Variants in LMTK2 observed in about 807,000 individuals in gnomAD.
LMTK2 encodes the protein lemur tail kinase 2.
LMTK2 carries 37 observed loss-of-function variants against 127.5 expected under a neutral mutation model. That is an observed-to-expected ratio of 0.29 (90% confidence interval 0.22 to 0.38). The LOEUF is 0.38. Among genes scored for constraint, LMTK2 ranks in the 10% least tolerant of loss-of-function variants. LMTK2 has a pLI of 1.00. For synonymous variants in LMTK2, 819 were observed against 810.1 expected (o/e 1.01, Z -0.19); for missense variants, 1,694 against 1,920.3 (o/e 0.88, Z 2.20).
chr7:98,185,256 T>C, intron 8 of LMTK2, 121 bp downstream of exon 8: 3 of 678,026 alleles, frequency 4.4e-6, no homozygotes, highest in Non-Finnish European at 7.7e-6. Context: ...GAGAGGGATT[T>C]GCAGCAGTCA....
At chr7:98,145,533 T>G (rs1475926613) in intron 3 of LMTK2, among the ~76,000 whole-genome samples, 4 of 152,188 alleles carry the variant, frequency 2.6e-5, no homozygotes, top group African/African-American at 9.6e-5. Context: ...AGGATGGTGT[T>G]AGGAGGAAAT....
chr7:98,184,095 C>A (rs976567220), intron 7 of LMTK2, among the ~76,000 whole-genome samples: 3 of 152,114 alleles, frequency 2.0e-5, no homozygotes, highest in East Asian at 1.9e-4. Context: ...AAGGGCCAAG[C>A]GGGTGACTTG....
rs1797760613 is a variant in LMTK2 at position 98,204,570 on chromosome 7, T to G, written c.4483+384T>G. Among the ~76,000 whole-genome samples the G allele has an allele frequency of 2.0e-5, 3 of 152,232 alleles. No individual in the cohort carries two copies. The South Asian group carries it at 6.2e-4, about 31-fold the overall frequency. ...TGAGCCCAGGAGTTCAAGGCTACAGTGACCTATGATTGTGCCACTGCCCTC... is the reference window on the plus strand; with the variant it reads ...TGAGCCCAGGAGTTCAAGGCTACAGGGACCTATGATTGTGCCACTGCCCTC... On this transcript the variant is annotated intron_variant, in intron 13 of 13. Coordinates refer to ENST00000297293, the MANE Select transcript of LMTK2 (RefSeq NM_014916.4).
intron 1 of LMTK2, among the ~76,000 whole-genome samples, chr7:98,115,293 A>G (rs1796261865): frequency 6.6e-6 from 1 of 151,944 alleles, no homozygotes; most frequent in Non-Finnish European, 1.5e-5. Flanking sequence ...GCACACTCCT[A>G]AAGTCTCAGC....
chr7:98,168,762 C>A (rs1336260044), intron 6 of LMTK2, among the ~76,000 whole-genome samples: 1 of 152,260 alleles, frequency 6.6e-6, no homozygotes, highest in African/African-American at 2.4e-5. Context: ...AGGTCACTTG[C>A]TCTGCTGATG....
chr7:98,194,401 C>T lies in LMTK2; in HGVS notation c.3936C>T (p.Asp1312=), dbSNP rs762798807. The T allele has an allele frequency of 3.2e-5, 52 of 1,614,022 alleles. 1 individual carries two copies. Among genetic ancestry groups the T allele is most frequent in the Middle Eastern group, 1.6e-4 (1 of 6,084 alleles). Residue 1312 remains aspartate (D), a synonymous_variant, in exon 11 of 14, where the codon GAC becomes GAT. Transcript: ENST00000297293. The surrounding 1 kb of genome is among the most constrained non-coding windows in gnomAD (Gnocchi z 5.4). ...NLHSLSSESE[D]ETEHPVPIIL... ...ATAGCCTCAGCTCCGAGTCGGAGGA[C>T]GAGACCGAGCACCCCGTGCCCATCA...
At chr7:98,151,292 C>T (rs1307352592) in intron 3 of LMTK2, 90 bp from the exon 4 acceptor site, 1 of 796,578 alleles carries the variant, frequency 1.3e-6, no homozygotes, top group African/African-American at 1.8e-5. Context: ...TTTATTTGCA[C>T]AAGCCTTTAT....
chr7:98,119,041 A>C (rs760783699), intron 1 of LMTK2, among the ~76,000 whole-genome samples: 1 of 150,566 alleles, frequency 6.6e-6, no homozygotes, highest in Non-Finnish European at 1.5e-5. Flanking sequence ...GCAGTGAACC[A>C]AGATAGTGCC....
In LMTK2 at chr7:98,193,257, C is replaced by A; in HGVS notation, c.2792C>A (p.Ser931Ter). The change falls in exon 11 of 14, where the codon TCG (serine) becomes TAG (stop). Residue 931 changes from serine to a stop codon, truncating the protein, a stop_gained. Coordinates refer to ENST00000297293, the MANE Select transcript of LMTK2 (RefSeq NM_014916.4). LOFTEE classifies it high-confidence loss of function. This position sits in a 1 kb window ranked among gnomAD's most constrained non-coding sequence, Gnocchi z 4.1. ...LGQELHNKPF[S>*]EDHHSHRRLE... ...CAGGAATTGCACAATAAACCATTTT[C>A]GGAAGACCATCACAGTCATCGCCGG... 1 of 1,613,616 alleles carries A rather than the reference C, an allele frequency of 6.2e-7. No individual in the cohort carries two copies. The highest frequency in any genetic ancestry group is 8.5e-7 in the Non-Finnish European group (1 of 1,180,012).
At chr7:98,141,613 C>T (rs1267856773) in intron 3 of LMTK2, 72 bp downstream of exon 3, 2 of 1,423,336 alleles carry the variant, frequency 1.4e-6, no homozygotes, top group East Asian at 4.5e-5. Context: ...GCCTAGCCAT[C>T]ATAAATATTG....
At chr7:98,184,641 G>C (rs1388881314) in intron 7 of LMTK2, among the ~76,000 whole-genome samples, 1 of 152,064 alleles carries the variant, frequency 6.6e-6, no homozygotes. Flanking sequence ...ACTGTAGCCT[G>C]ACCACCTTGG....
chr7:98,137,258 A>G, intron 1 of LMTK2, 57 bp from the exon 2 acceptor site: 1 of 1,522,984 alleles, frequency 6.6e-7, no homozygotes, highest in East Asian at 2.3e-5. Flanking sequence ...TTGATTCACT[A>G]ATTAAAGTTG....
chr7:98,124,652 G>T (rs1002162102), intron 1 of LMTK2, among the ~76,000 whole-genome samples: 2 of 152,138 alleles, frequency 1.3e-5, no homozygotes, highest in African/African-American at 4.8e-5. Context: ...TGGGCATGGT[G>T]GTGCACACCT....
chr7:98,117,905 T>TG (rs1796309818), intron 1 of LMTK2, among the ~76,000 whole-genome samples: 1 of 152,092 alleles, frequency 6.6e-6, no homozygotes. Flanking sequence ...AGATGGAAGT[T>TG]GCAATGAGCC....
At chr7:98,191,163 G>A (rs1797517551) in intron 10 of LMTK2, among the ~76,000 whole-genome samples, 1 of 152,084 alleles carries the variant, frequency 6.6e-6, no homozygotes, top group Admixed American at 6.5e-5. Context: ...TGCCCAGGCT[G>A]TTCTTGAACT....
rs772440680 is a variant in LMTK2, at chr7:98,191,660, G to T, written c.1195G>T (p.Ala399Ser). 6.2e-7 allele frequency: 1 copy of T among 1,613,348 alleles called. No homozygotes were observed. The highest frequency in any genetic ancestry group is 8.5e-7 in the Non-Finnish European group (1 of 1,179,622). The change falls in exon 11 of 14, where the codon GCG (alanine) becomes TCG (serine). Residue 399 changes from alanine (A) to serine (S), a missense_variant. Ala to Ser is a moderately conservative substitution (Grantham distance 99). This residue lies in a region of LMTK2 where 216 missense variants were observed against 266.8 expected (regional missense o/e 0.81). Transcript: ENST00000297293. The part of the protein sequence containing the change: ...FCWLSPEKRP[A>S]AEDVHRLLTY... ...TTGGCTGTCACCAGAAAAGAGACCC[G>T]CGGCTGAAGATGTGCACAGGCTGCT...
chr7:98,191,234 C>T (rs559083058), intron 10 of LMTK2, among the ~76,000 whole-genome samples: 3 of 152,160 alleles, frequency 2.0e-5, no homozygotes, highest in Non-Finnish European at 4.4e-5. Context: ...AAGTGTGAGC[C>T]AGGGTGCCTG....
At position 98,194,618 on chromosome 7, in the gene LMTK2, A is replaced by T. The variant is rs539979698; in HGVS notation, c.4107+46A>T. 3 of 1,490,328 alleles carry T rather than the reference A, an allele frequency of 2.0e-6. No individual in the cohort carries two copies. The highest frequency in any genetic ancestry group is 2.1e-5 in the Admixed American group (1 of 48,508). 92.3% of individuals were successfully genotyped at this position (1,490,328 alleles called of 1,614,324 possible). A position where few individuals can be genotyped will look rare whatever the true frequency, so the allele number is the denominator to read the frequency against. On this transcript the variant is annotated intron_variant, in intron 11 of 13. Coordinates refer to ENST00000297293, the MANE Select transcript of LMTK2 (RefSeq NM_014916.4). This position sits in a 1 kb window ranked among gnomAD's most constrained non-coding sequence, Gnocchi z 5.4. ...ATTTTCTATACACATCCATATAAGG[A>T]TTCCAAAATGTGCTAGGAAATTGAG...
chr7:98,123,324 A>G (rs1461193986), intron 1 of LMTK2, among the ~76,000 whole-genome samples: 3 of 152,134 alleles, frequency 2.0e-5, no homozygotes, highest in African/African-American at 7.2e-5. Context: ...TTACATTTTT[A>G]TGGCTACAGA....
Sources: gnomAD v4.1 joint callset for allele counts (sites outside exome capture counted in the v4.1 genomes callset) on GRCh38, gnomAD v4.1.1 for gene constraint, gnomAD v4.1.1 regional missense constraint, Gnocchi (gnomAD v3.1) non-coding constraint, MANE v1.5 for transcripts, NCBI Gene and HGNC (gene_info 2026-07-23, HGNC 2026-07-21) for gene names.